RBPJ: variants seen among roughly 807,000 people sequenced by gnomAD.
RBPJ encodes recombining binding protein suppressor of hairless.
A neutral mutation model predicts 67.8 loss-of-function variants in RBPJ; 9 were observed. That is an observed-to-expected ratio of 0.13 (90% CI 0.08 to 0.23). The LOEUF is 0.23. Ranked by LOEUF, RBPJ falls within the 10% of genes least tolerant of loss-of-function variation. The pLI is 1.00. For synonymous variants in RBPJ, 198 were observed against 203.3 expected, an observed-to-expected ratio of 0.97 and a Z score of 0.22; for missense variants, 305 against 595.6, an observed-to-expected ratio of 0.51 and a Z score of 5.08.
At chr4:26,346,739 C>A (rs559405792) in intron 1 of RBPJ, among the ~76,000 whole-genome samples, 3 of 152,296 alleles carry the variant, frequency 2.0e-5, no homozygotes, top group East Asian at 3.9e-4. Flanking sequence ...CTCCTGTAAT[C>A]CCAGCACTTT....
chr4:26,403,792 G>C (rs1733100567), intron 2 of RBPJ, among the ~76,000 whole-genome samples: 1 of 151,720 alleles, frequency 6.6e-6, no homozygotes, highest in African/African-American at 2.4e-5. Context: ...TCACTGATGG[G>C]CATTTATGTT....
At chr4:26,205,997 A>T (rs1177156039) in intron 1 of RBPJ, among the ~76,000 whole-genome samples, 1 of 151,784 alleles carries the variant, frequency 6.6e-6, no homozygotes, top group East Asian at 1.9e-4. Context: ...ATATATGCGT[A>T]TTTTTTTTAT....
chr4:26,366,120 A>C (rs1334201938), intron 1 of RBPJ, among the ~76,000 whole-genome samples: 1 of 152,254 alleles, frequency 6.6e-6, no homozygotes, highest in Non-Finnish European at 1.5e-5. Context: ...CTTCTGTGTC[A>C]GTGGCATGTG....
chr4:26,119,302 A>G, the RBPJ span, among the ~76,000 whole-genome samples: 8,971 of 152,088 alleles, frequency 0.059, 854 homozygotes, highest in African/African-American at 0.21. Flanking sequence ...TTCCTCCCCA[A>G]TCCATTATAT....
At chr4:26,368,768 A>T (rs534350222) in intron 1 of RBPJ, among the ~76,000 whole-genome samples, 36 of 152,370 alleles carry the variant, frequency 2.4e-4, no homozygotes, top group African/African-American at 8.7e-4. Flanking sequence ...AACTTTAAAT[A>T]AACTCCTTTG....
At chr4:26,354,470 T>A (rs112197046) in intron 1 of RBPJ, among the ~76,000 whole-genome samples, 1 of 92,932 alleles carries the variant, frequency 1.1e-5, no homozygotes, top group African/African-American at 3.7e-5. Context: ...TTTTTTTTTT[T>A]GATACGGAGT....
chr4:26,170,537 C>G (rs1716537408), intron 1 of RBPJ, among the ~76,000 whole-genome samples: 1 of 112,736 alleles, frequency 8.9e-6, no homozygotes, highest in Admixed American at 9.5e-5. Context: ...GAGTAAGGCC[C>G]TGTCTAAAAA....
chr4:26,188,514 C>G (rs1227395482), intron 1 of RBPJ, among the ~76,000 whole-genome samples: 1 of 152,172 alleles, frequency 6.6e-6, no homozygotes. Context: ...ATTATTAAAT[C>G]TGTCACAGAA....
chr4:26,253,830 T>A (rs1720201590), intron 1 of RBPJ, among the ~76,000 whole-genome samples: 1 of 148,898 alleles, frequency 6.7e-6, no homozygotes, highest in Non-Finnish European at 1.5e-5. Context: ...CTTTGTTTTC[T>A]TGTGATAAAT....
chr4:26,116,569 C>G, the RBPJ span, among the ~76,000 whole-genome samples: 3 of 152,164 alleles, frequency 2.0e-5, no homozygotes, highest in Non-Finnish European at 4.4e-5. Flanking sequence ...CTCAGCTCCC[C>G]GGGACATGCC....
intron 1 of RBPJ, among the ~76,000 whole-genome samples, chr4:26,341,716 AAGTGACGG>A (rs1378023825): frequency 1.3e-5 from 2 of 152,172 alleles, no homozygotes; most frequent in African/African-American, 2.4e-5. Context: ...AGTTTTGTTG[AAGTGACGG>A]AGACAAAAAC....
chr4:26,368,491 T>C (rs902405518), intron 1 of RBPJ, among the ~76,000 whole-genome samples: 3 of 152,224 alleles, frequency 2.0e-5, no homozygotes, highest in African/African-American at 7.2e-5. Flanking sequence ...GTGTTGTCTC[T>C]CTGTGGAATT....
intron 1 of RBPJ, among the ~76,000 whole-genome samples, chr4:26,191,287 G>A (rs371170501): frequency 2.1e-5 from 3 of 142,090 alleles, no homozygotes; most frequent in African/African-American, 7.8e-5. Context: ...CGTATCAAGT[G>A]TATCACTCAA....
intron 1 of RBPJ, among the ~76,000 whole-genome samples, chr4:26,244,550 G>T (rs1037438399): frequency 4.7e-5 from 7 of 149,984 alleles, no homozygotes; most frequent in Non-Finnish European, 1.0e-4. Context: ...AATGTAAATG[G>T]TTTCTTATTG....
At chr4:26,293,522 G>A (rs1264523688) in intron 1 of RBPJ, among the ~76,000 whole-genome samples, 2 of 150,054 alleles carry the variant, frequency 1.3e-5, no homozygotes, top group African/African-American at 4.9e-5. Context: ...TAAAGTCTCA[G>A]CTACTTGGGA....
chr4:26,380,849 G>A (rs1730245395), intron 1 of RBPJ, among the ~76,000 whole-genome samples: 1 of 151,224 alleles, frequency 6.6e-6, no homozygotes, highest in South Asian at 2.1e-4. Context: ...TTCATTTTCT[G>A]TGTTAAATAG....
the RBPJ span, among the ~76,000 whole-genome samples, chr4:26,156,414 CTTTTTTTTTTT>C: frequency 1.1e-5 from 1 of 93,560 alleles, no homozygotes; most frequent in South Asian, 4.3e-4. Context: ...TCTTTTCTTT[CTTTTTTTTTTT>C]TTTTTTTTTT....
At chr4:26,235,515 G>T (rs1165414173) in intron 1 of RBPJ, among the ~76,000 whole-genome samples, 2 of 152,182 alleles carry the variant, frequency 1.3e-5, no homozygotes, top group African/African-American at 4.8e-5. Context: ...GGCCAAAGCA[G>T]CTATTCTTGA....
chr4:26,280,355 C>T (rs956079450), intron 1 of RBPJ, among the ~76,000 whole-genome samples: 5 of 137,188 alleles, frequency 3.6e-5, no homozygotes, highest in Non-Finnish European at 7.6e-5. Context: ...GAGATGACAA[C>T]ATTGCACTCC....
Sources: gnomAD v4.1 joint callset for allele counts (sites outside exome capture counted in the v4.1 genomes callset) on GRCh38, gnomAD v4.1.1 for gene constraint, MANE v1.5 for transcripts, NCBI Gene and HGNC (gene_info 2026-07-23, HGNC 2026-07-21) for gene names.